Variants in CAMK2G observed in about 807,000 individuals in gnomAD.
The protein encoded by CAMK2G is calcium/calmodulin-dependent protein kinase type II subunit gamma.
Under a neutral mutation model 88.7 loss-of-function variants are expected in CAMK2G, and 23 were observed. That is an observed-to-expected ratio of 0.26 (90% confidence interval 0.19 to 0.37). The LOEUF (loss-of-function observed/expected upper bound fraction) is 0.37. CAMK2G is among the 10% of genes least tolerant of loss of function. The probability of loss-of-function intolerance (pLI) is 1.00; values close to 1 mark genes in which losing one functional copy is unlikely to be tolerated. For missense variants in CAMK2G, 476 were observed against 780.8 expected (o/e 0.61, Z 4.65); for synonymous variants, 263 against 294.8 (o/e 0.89, Z 1.11).
intron 2 of CAMK2G, among the ~76,000 whole-genome samples, chr10:73,867,394 C>T (rs920394616): frequency 1.3e-5 from 2 of 152,254 alleles, no homozygotes; most frequent in Non-Finnish European, 2.9e-5. Context: ...GCCGTCTGTT[C>T]TCCATGCCCC....
chr10:73,855,302 A>G (rs2094946645), intron 3 of CAMK2G, among the ~76,000 whole-genome samples: 1 of 152,216 alleles, frequency 6.6e-6, no homozygotes. Flanking sequence ...AAAATTTGCT[A>G]TTAAAAAGCA....
At chr10:73,873,372 G>A (rs1389347642) in intron 1 of CAMK2G, 14 of 1,297,716 alleles carry the variant, frequency 1.1e-5, no homozygotes, top group African/African-American at 1.5e-5. Context: ...GCGGGTGGGC[G>A]ATGCTGAAAA....
At chr10:73,845,965 A>G (rs1167689180) in intron 10 of CAMK2G, among the ~76,000 whole-genome samples, 1 of 149,434 alleles carries the variant, frequency 6.7e-6, no homozygotes, top group Non-Finnish European at 1.5e-5. Context: ...CTGGAGTACA[A>G]TGACTATTCA....
intron 1 of CAMK2G, among the ~76,000 whole-genome samples, chr10:73,874,097 G>A (rs1279351652): frequency 6.7e-6 from 1 of 150,010 alleles, no homozygotes; most frequent in African/African-American, 2.5e-5. Context: ...GTGGTCGGGA[G>A]GGGGGCGCCT....
intron 19 of CAMK2G, chr10:73,818,931 G>GAGGCACC (rs949320990): frequency 4.8e-5 from 20 of 416,940 alleles, no homozygotes; most frequent in Non-Finnish European, 7.9e-5. Flanking sequence ...ATAACCCATC[G>GAGGCACC]AGGCACCGTA....
intron 5 of CAMK2G, among the ~76,000 whole-genome samples, chr10:73,850,978 C>T (rs1481428623): frequency 2.0e-5 from 3 of 152,200 alleles, no homozygotes; most frequent in African/African-American, 4.8e-5. Flanking sequence ...ACAGTCACCC[C>T]CCCTCAGGGC....
intron 18 of CAMK2G, among the ~76,000 whole-genome samples, chr10:73,819,860 G>A (rs923214133): frequency 1.3e-5 from 2 of 152,236 alleles, no homozygotes; most frequent in African/African-American, 2.4e-5. Flanking sequence ...CACCAGGCAG[G>A]TGCCCAGACC....
chr10:73,857,189 A>T (rs1295529429), intron 3 of CAMK2G, among the ~76,000 whole-genome samples: 1 of 152,216 alleles, frequency 6.6e-6, no homozygotes, highest in Non-Finnish European at 1.5e-5. Flanking sequence ...ACTGGGCTCA[A>T]GGGTAAATGG....
rs540759860 is a variant in CAMK2G at position 73,848,186 on chromosome 10, T to TA, written c.602-105dup. On this transcript the variant is annotated intron_variant, in intron 8 of 22. Transcript: ENST00000423381. The surrounding 1 kb of genome is among the most constrained non-coding windows in gnomAD (Gnocchi z 4.5). ...GAGCCACCTAGAAAGGCAGGGGCCA[T>TA]ACCAGAGTCAGAAGTGGATGCCAGC... 8.1e-6 allele frequency: 6 copies of TA among 741,830 alleles called. No homozygotes were observed. The highest frequency in any genetic ancestry group is 1.4e-5 in the Non-Finnish European group (6 of 415,004). The allele number at this position is 741,830 out of a possible 1,614,324, so 46.0% of individuals were successfully genotyped here. A position where few individuals can be genotyped will look rare whatever the true frequency, so the allele number is the denominator to read the frequency against.
Position 73,837,530 on chromosome 10 carries a change from A to G in CAMK2G, c.1010-19T>C. The G allele has an allele frequency of 1.2e-6, 2 of 1,607,010 alleles. No homozygotes were observed. The highest frequency in any genetic ancestry group is 1.7e-6 in the Non-Finnish European group (2 of 1,173,536). On this transcript the variant is annotated intron_variant, in intron 13 of 22. Coordinates refer to ENST00000423381, the MANE Select transcript of CAMK2G (RefSeq NM_001367534.1). ...TTGGCAGCTGTGAAAACAAAGAGGAATATCAAGTCTCCTGCATTGTACCCT... is the reference window on the plus strand; with the variant it reads ...TTGGCAGCTGTGAAAACAAAGAGGAGTATCAAGTCTCCTGCATTGTACCCT...
At chr10:73,851,016 C>T (rs77468362) in intron 5 of CAMK2G, among the ~76,000 whole-genome samples, 8,849 of 152,278 alleles carry the variant, frequency 0.058, 398 homozygotes, top group Middle Eastern at 0.12. Context: ...CCCTCCTCCC[C>T]GCAGGCTCCC....
chr10:73,852,574 G>A (rs1490062057), intron 4 of CAMK2G: 3 of 508,932 alleles, frequency 5.9e-6, no homozygotes, highest in Admixed American at 6.8e-5. Context: ...GTCAGGCAGA[G>A]ATGAAGATAC....
intron 21 of CAMK2G, chr10:73,815,749 T>C (rs948076765): frequency 1.1e-6 from 1 of 935,586 alleles, no homozygotes; most frequent in African/African-American, 1.8e-5. Flanking sequence ...CAAAATTGAT[T>C]TGTAATTTTT....
chr10:73,829,580 G>A (rs962672736), intron 14 of CAMK2G, among the ~76,000 whole-genome samples: 33 of 151,954 alleles, frequency 2.2e-4, no homozygotes, highest in Admixed American at 2.0e-4. Context: ...GATTACAAGC[G>A]TGAGCCACCG....
At chr10:73,816,953 G>T (rs775916747) in intron 21 of CAMK2G, 70 bp downstream of exon 21, 4 of 1,613,506 alleles carry the variant, frequency 2.5e-6, no homozygotes, top group Non-Finnish European at 3.4e-6. Flanking sequence ...GGATGAGAAG[G>T]TGAGCAGGAG....
intron 3 of CAMK2G, among the ~76,000 whole-genome samples, chr10:73,860,017 C>T (rs1382078356): frequency 6.6e-6 from 1 of 152,246 alleles, no homozygotes; most frequent in Non-Finnish European, 1.5e-5. Context: ...TGACTCAGGG[C>T]TTTCAGGGAA....
chr10:73,819,098 C>T (rs1007314854), intron 19 of CAMK2G, among the ~76,000 whole-genome samples: 1 of 152,114 alleles, frequency 6.6e-6, no homozygotes, highest in African/African-American at 2.4e-5. Context: ...ATCTATCTTG[C>T]CTCTGACCCC....
intron 3 of CAMK2G, among the ~76,000 whole-genome samples, chr10:73,859,540 T>TGC (rs1487675817): frequency 1.3e-5 from 2 of 152,222 alleles, no homozygotes; most frequent in African/African-American, 4.8e-5. Flanking sequence ...CAGTCCCCAC[T>TGC]GCGCTGTTTT....
rs1039514232 is a variant in CAMK2G, at chr10:73,816,135, G to A, written c.1534+888C>T. 35 of 985,484 alleles carry A rather than the reference G, an allele frequency of 3.6e-5. No individual in the cohort carries two copies. In the African/African-American group the frequency reaches 5.4e-4, roughly 15 times the overall value. The allele number at this position is 985,484 out of a possible 1,614,324, so 61.0% of individuals were successfully genotyped here. On this transcript the variant is annotated intron_variant, in intron 21 of 22. Transcript: ENST00000423381. ...GGGAAGAGATAAAAATAAGGAAGGG[G>A]AGGGTCTCATAGAGCAGAGAGAAAG...
Sources: gnomAD v4.1 joint callset for allele counts (sites outside exome capture counted in the v4.1 genomes callset) on GRCh38, gnomAD v4.1.1 for gene constraint, Gnocchi (gnomAD v3.1) non-coding constraint, MANE v1.5 for transcripts, NCBI Gene and HGNC (gene_info 2026-07-23, HGNC 2026-07-21) for gene names.